SHROOM2: variants seen among roughly 807,000 people sequenced by gnomAD.
SHROOM2 encodes protein Shroom2.
Under a neutral mutation model 75.9 loss-of-function variants are expected in SHROOM2, and 33 were observed. That is an observed-to-expected ratio of 0.43 (90% CI 0.33 to 0.58). The LOEUF (loss-of-function observed/expected upper bound fraction) is 0.58. Among genes scored for constraint, SHROOM2 ranks in the 20% least tolerant of loss-of-function variants. The pLI, the probability that SHROOM2 is intolerant of heterozygous loss-of-function variation, is 0.04. For missense variants in SHROOM2, 1,434 were observed against 1,461.2 expected (o/e 0.98, Z 0.30); for synonymous variants, 655 against 663.6 (o/e 0.99, Z 0.20).
At chrX:9,870,469 C>G (rs2084165412) in intron 1 of SHROOM2, among the ~76,000 whole-genome samples, 2 of 112,101 alleles carry the variant, frequency 1.8e-5, no homozygotes, top group Non-Finnish European at 3.8e-5. Context: ...TTTCCTTTGG[C>G]AGTGGAATTA....
In SHROOM2 at chrX:9,944,665, C is replaced by T. The variant is rs1402203275; in HGVS notation, c.4336C>T (p.Arg1446Cys). The T allele has an allele frequency of 3.0e-5, 36 of 1,207,389 alleles. No homozygotes were observed. The highest frequency in any genetic ancestry group is 3.7e-5 in the Non-Finnish European group (33 of 893,645). Residue 1446 changes from arginine to cysteine, a missense_variant, in exon 9 of 10, where the codon CGC becomes TGC. Physicochemically the swap from Arg to Cys is radical, Grantham distance 180. Transcript: ENST00000380913. ...GCAGGAGCTCATCGAGAGCATCAGC[C>T]GCAAGCTGCAGGTGCTCCGGGAGGC... Reference protein sequence around the residue: ...KKQELIESISRKLQVLREARE... With the variant: ...KKQELIESISCKLQVLREARE...
At chrX:9,935,408 G>C (rs1052465266) in intron 6 of SHROOM2, among the ~76,000 whole-genome samples, 6 of 110,092 alleles carry the variant, frequency 5.4e-5, no homozygotes, top group Non-Finnish European at 1.9e-5. Context: ...TCAAACTCCT[G>C]GGCGCAAGCA....
intron 1 of SHROOM2, among the ~76,000 whole-genome samples, chrX:9,834,495 G>A (rs373030979): frequency 1.8e-5 from 2 of 111,766 alleles, no homozygotes; most frequent in Non-Finnish European, 3.8e-5. Context: ...CTTTGCTCAG[G>A]TGTTGCCAAG....
chrX:9,910,714 G>A (rs947786885), intron 5 of SHROOM2, among the ~76,000 whole-genome samples: 4 of 110,607 alleles, frequency 3.6e-5, no homozygotes, highest in Non-Finnish European at 3.8e-5. Flanking sequence ...CTACTCGGGA[G>A]GCTGAGGCAG....
rs191682545 is a variant in SHROOM2 at position 9,865,808 on chromosome X, C to T, written c.166-7844C>T. ...ATCTCCTGACCTCATGATTCGCCCA[C>T]CTCACCCTCCCAAAGTGCTGAGATT... On this transcript the variant is annotated intron_variant, in intron 1 of 9. Transcript: ENST00000380913. 2.3e-4 allele frequency among the ~76,000 whole-genome samples: 25 copies of T among 110,367 alleles called. No homozygotes were observed. The East Asian group carries it at 7.2e-3, about 32-fold the overall frequency.
In SHROOM2 at chrX:9,884,714, A is replaced by T. The variant is rs777240087; in HGVS notation, c.318-6263A>T. Among the ~76,000 whole-genome samples, 20 of 108,802 alleles carry T rather than the reference A, an allele frequency of 1.8e-4. 1 individual carries two copies. The South Asian group carries it at 7.5e-3, about 41-fold the overall frequency. 94.5% of individuals were successfully genotyped at this position (108,802 alleles called of 115,157 possible). A position where few individuals can be genotyped will look rare whatever the true frequency, so the allele number is the denominator to read the frequency against. ...AAAAAAAACCCAAACACTACCTAGC[A>T]TATAAAATTACTCTAAAAAATTGAA... On this transcript the variant is annotated intron_variant, in intron 2 of 9. Coordinates refer to ENST00000380913, the MANE Select transcript of SHROOM2 (RefSeq NM_001649.4).
At chrX:9,801,288 T>C (rs933912378) in intron 1 of SHROOM2, among the ~76,000 whole-genome samples, 2 of 112,062 alleles carry the variant, frequency 1.8e-5, no homozygotes, top group African/African-American at 3.2e-5. Context: ...CCATAACATA[T>C]GGGAATTATG....
intron 2 of SHROOM2, 69 bp downstream of exon 2, chrX:9,873,872 C>G: frequency 3.7e-6 from 4 of 1,094,753 alleles, no homozygotes; most frequent in Non-Finnish European, 5.0e-6. Context: ...AAGTGGGAAG[C>G]CAGTTGTCCT....
At chrX:9,811,756 A>G (rs1188539991) in intron 1 of SHROOM2, among the ~76,000 whole-genome samples, 1 of 111,637 alleles carries the variant, frequency 9.0e-6, no homozygotes. Context: ...GTGTCTGCAT[A>G]TCATGCAGAA....
chrX:9,855,234 G>A (rs753403311), intron 1 of SHROOM2, among the ~76,000 whole-genome samples: 16 of 87,195 alleles, frequency 1.8e-4, no homozygotes, highest in African/African-American at 5.8e-4. Flanking sequence ...ACCATGGCAC[G>A]TGTATACCTA....
In SHROOM2 at chrX:9,949,047, T is replaced by G. The variant is rs2084848310; in HGVS notation, c.*2110T>G. 1 of 188,244 alleles carries G rather than the reference T, an allele frequency of 5.3e-6. No homozygotes were observed. Among genetic ancestry groups the G allele is most frequent in the Non-Finnish European group, 1.0e-5 (1 of 97,582 alleles). 15.5% of individuals were successfully genotyped at this position (188,244 alleles called of 1,213,427 possible). Reference sequence around the variant, plus strand: ...TTGATGTCTTTTTAGGACTTTCTCTTCTACACAGCAATACGTCGTGCTCGA... The same window carrying G: ...TTGATGTCTTTTTAGGACTTTCTCTGCTACACAGCAATACGTCGTGCTCGA... On this transcript the variant is annotated 3_prime_UTR_variant, in exon 10 of 10. Transcript: ENST00000380913.
intron 1 of SHROOM2, among the ~76,000 whole-genome samples, chrX:9,831,154 C>T (rs1490016088): frequency 1.8e-5 from 2 of 111,822 alleles, no homozygotes; most frequent in Non-Finnish European, 3.8e-5. Flanking sequence ...TGGTTAGTGC[C>T]GTAGATGTGG....
In SHROOM2 at chrX:9,939,210, C is replaced by A. The variant is rs758944318; in HGVS notation, c.4155C>A (p.Ser1385Arg). Residue 1385 changes from serine (S) to arginine (R), a missense_variant, in exon 8 of 10, where the codon AGC (serine) becomes AGA (arginine). Physicochemically the swap from Ser to Arg is moderately radical, Grantham distance 110. Transcript: ENST00000380913. ...RSTEERKEEP[S>R]VPAAVSLATN... Reference sequence around the variant, plus strand: ...CTTTACCCAGGAAAGAGGAGCCCAGCGTGCCTGCGGCCGTGTCCCTGGCCA... The same window carrying A: ...CTTTACCCAGGAAAGAGGAGCCCAGAGTGCCTGCGGCCGTGTCCCTGGCCA... 9.1e-6 allele frequency: 11 copies of A among 1,204,128 alleles called. No individual in the cohort carries two copies. Among genetic ancestry groups the A allele is most frequent in the African/African-American group, 3.5e-5 (2 of 57,052 alleles).
In SHROOM2 at chrX:9,823,756, C is replaced by CTTTTTT. The variant is rs1293537759; in HGVS notation, c.165+37047_165+37052dup. Among the ~76,000 whole-genome samples the CTTTTTT allele has an allele frequency of 1.2e-4, 10 of 85,894 alleles. 1 individual carries two copies. Among genetic ancestry groups the CTTTTTT allele is most frequent in the Non-Finnish European group, 1.6e-4 (7 of 44,749 alleles). 74.6% of individuals were successfully genotyped at this position (85,894 alleles called of 115,157 possible). A position where few individuals can be genotyped will look rare whatever the true frequency, so the allele number is the denominator to read the frequency against. Reference sequence around the variant, plus strand: ...ACATTTTTTTTCTTTTTTCTTTTTTCTTTTTTCTTTTTTTTTTTTTGAGAC... The same window carrying CTTTTTT: ...ACATTTTTTTTCTTTTTTCTTTTTTCTTTTTTTTTTTTCTTTTTTTTTTTTTGAGAC... On this transcript the variant is annotated intron_variant, in intron 1 of 9. Transcript: ENST00000380913.
chrX:9,814,862 C>T (rs751925718), intron 1 of SHROOM2, among the ~76,000 whole-genome samples: 2 of 111,658 alleles, frequency 1.8e-5, no homozygotes, highest in South Asian at 3.8e-4. Context: ...AGACACCTGG[C>T]GAGGCTGTGC....
In SHROOM2 at chrX:9,834,513, G is replaced by A. The variant is rs17321127; in HGVS notation, c.166-39139G>A. On this transcript the variant is annotated intron_variant, in intron 1 of 9. Transcript: ENST00000380913. Reference sequence around the variant, plus strand: ...TGCTCAGGTGTTGCCAAGGCAGCTCGTGGAACTTCACCTGGAAGAGGTCAA... The same window carrying A: ...TGCTCAGGTGTTGCCAAGGCAGCTCATGGAACTTCACCTGGAAGAGGTCAA... Among the ~76,000 whole-genome samples, 596 of 111,921 alleles carry A rather than the reference G, an allele frequency of 5.3e-3. 1 individual carries two copies. Among genetic ancestry groups the A allele is most frequent in the Middle Eastern group, 0.018 (4 of 217 alleles).
chrX:9,831,895 A>G (rs1015446628), intron 1 of SHROOM2, among the ~76,000 whole-genome samples: 2 of 110,155 alleles, frequency 1.8e-5, no homozygotes, highest in African/African-American at 6.6e-5. Flanking sequence ...TCACCTCCCA[A>G]AGGCCCCACC....
chrX:9,880,670 T>G (rs781744929), intron 2 of SHROOM2, among the ~76,000 whole-genome samples: 35 of 112,720 alleles, frequency 3.1e-4, no homozygotes, highest in Non-Finnish European at 6.2e-4. Flanking sequence ...GACACAGCCT[T>G]GGCCCTTTCT....
chrX:9,834,600 C>T (rs2083934012), intron 1 of SHROOM2, among the ~76,000 whole-genome samples: 1 of 105,373 alleles, frequency 9.5e-6, no homozygotes, highest in Admixed American at 1.1e-4. Flanking sequence ...CTTGGCCATT[C>T]CTCCCCAGTG....
Sources: allele counts gnomAD v4.1 joint callset (sites outside exome capture counted in the v4.1 genomes callset), GRCh38; gene constraint gnomAD v4.1.1; transcripts MANE v1.5; gene names NCBI Gene and HGNC (gene_info 2026-07-23, HGNC 2026-07-21).